ZNF287: variants seen among roughly 807,000 people sequenced by gnomAD.
ZNF287 encodes zinc finger protein with KRAB and SCAN domains 13.
In ZNF287, 31 loss-of-function variants were observed where a neutral mutation model predicts 73.7. The observed-to-expected ratio is 0.42, with a 90% CI of 0.32 to 0.57. The LOEUF (loss-of-function observed/expected upper bound fraction) is 0.57. Ranked by LOEUF, ZNF287 falls within the 20% of genes least tolerant of loss-of-function variation. The probability of loss-of-function intolerance (pLI) is 0.13; values close to 1 mark genes in which losing one functional copy is unlikely to be tolerated. For missense variants in ZNF287, 641 were observed against 909.3 expected (o/e 0.70, Z 3.79); for synonymous variants, 301 against 307.2 (o/e 0.98, Z 0.21).
rs745336057 is a variant in ZNF287, at chr17:16,552,225, C to G, written c.1917G>C (p.Gln639His). ...AGGGTTTTTCTCCATTATGAATCCT[C>G]TGATGTTGAGTAAGGTGCACACTCT... is the stretch of plus-strand genomic sequence containing the variant. ...FSQSVHLTQHQRIHNGEKPFK... is the reference protein window; with the variant it reads ...FSQSVHLTQHHRIHNGEKPFK... The change falls in exon 6 of 6, where the codon CAG (glutamine) becomes CAC (histidine). Residue 639 changes from glutamine (Q) to histidine (H), a missense_variant. By Grantham distance (24) the Gln-to-His change is conservative. This residue lies in a region of ZNF287 where 284 missense variants were observed against 466.8 expected (regional missense o/e 0.61). Transcript: ENST00000395825. This position sits in a 1 kb window ranked among gnomAD's most constrained non-coding sequence, Gnocchi z 6.5. The G allele has an allele frequency of 1.2e-6, 2 of 1,614,008 alleles. No homozygotes were observed. Among genetic ancestry groups the G allele is most frequent in the Admixed American group, 3.3e-5 (2 of 60,010 alleles).
rs1403864264 is a variant in ZNF287, at chr17:16,552,395, G to T, written c.1747C>A (p.Gln583Lys). ...FAHSSTLIQH[Q>K]TTHTGEKSYI... Reference sequence around the variant, plus strand: ...GATTTCTCTCCAGTGTGAGTGGTTTGATGTTGAATAAGGGTTGAGGAATGA... The same window carrying T: ...GATTTCTCTCCAGTGTGAGTGGTTTTATGTTGAATAAGGGTTGAGGAATGA... Residue 583 changes from glutamine to lysine, a missense_variant, in exon 6 of 6, where the codon CAA becomes AAA. Transcript: ENST00000395825. The surrounding 1 kb of genome is among the most constrained non-coding windows in gnomAD (Gnocchi z 6.5). The T allele has an allele frequency of 3.1e-6, 5 of 1,613,908 alleles. No individual in the cohort carries two copies. Among genetic ancestry groups the T allele is most frequent in the Non-Finnish European group, 4.2e-6 (5 of 1,179,968 alleles).
Position 16,550,412 on chromosome 17 carries a change from A to ATC in ZNF287, c.*1442_*1443dup, listed in dbSNP as rs1303028107. ...AATTACATTTCATGTTATAGCAATT[A>ATC]TCTATGTATGTTTTCCTCACTCCAC... On this transcript the variant is annotated 3_prime_UTR_variant, in exon 6 of 6. Transcript: ENST00000395825. 6.6e-6 allele frequency among the ~76,000 whole-genome samples: 1 copy of ATC among 152,188 alleles called. No individual in the cohort carries two copies. The highest frequency in any genetic ancestry group is 1.5e-5 in the Non-Finnish European group (1 of 68,016).
intron 3 of ZNF287, among the ~76,000 whole-genome samples, chr17:16,565,991 A>T (rs1907720285): frequency 6.6e-6 from 1 of 152,174 alleles, no homozygotes; most frequent in Admixed American, 6.5e-5. Flanking sequence ...TGTCTCAAAA[A>T]ATATATATAA....
intron 3 of ZNF287, 62 bp from the exon 4 acceptor site, chr17:16,563,887 C>T (rs1907593222): frequency 2.5e-6 from 4 of 1,575,802 alleles, no homozygotes; most frequent in Non-Finnish European, 2.6e-6. Context: ...ACACTGATAA[C>T]ACTGGGTATA....
In ZNF287 at chr17:16,548,133, G is replaced by T. The variant is rs369773968; in HGVS notation, c.*3723C>A. Among the ~76,000 whole-genome samples, 1 of 152,154 alleles carries T rather than the reference G, an allele frequency of 6.6e-6. No individual in the cohort carries two copies. The highest frequency in any genetic ancestry group is 1.5e-5 in the Non-Finnish European group (1 of 68,026). On this transcript the variant is annotated 3_prime_UTR_variant, in exon 6 of 6. Coordinates refer to ENST00000395825, the MANE Select transcript of ZNF287 (RefSeq NM_020653.4). ...TGATGAGACAATGGATTCAGGCAAC[G>T]ATCACCGTTGGTTACTTTTTACCAG... is the stretch of plus-strand genomic sequence containing the variant.
At chr17:16,563,944 T>C (rs1035791738) in intron 3 of ZNF287, 119 bp from the exon 4 acceptor site, 2 of 1,170,074 alleles carry the variant, frequency 1.7e-6, no homozygotes, top group South Asian at 3.3e-5. Flanking sequence ...AGTAGGATCC[T>C]AGAAGTTGTC....
intron 2 of ZNF287, among the ~76,000 whole-genome samples, chr17:16,567,012 A>AGG (rs1907785884): frequency 6.6e-6 from 1 of 152,178 alleles, no homozygotes; most frequent in Non-Finnish European, 1.5e-5. Flanking sequence ...AAACCTCTGA[A>AGG]GGTACTTTCT....
At chr17:16,560,310 G>GTATATA (rs71152817) in intron 5 of ZNF287, among the ~76,000 whole-genome samples, 55 of 112,880 alleles carry the variant, frequency 4.9e-4, no homozygotes, top group African/African-American at 9.1e-4. Flanking sequence ...CAACAGTGGT[G>GTATATA]TATATATATA....
In ZNF287 at chr17:16,548,936, TTTG is replaced by T. The variant is rs200123864; in HGVS notation, c.*2917_*2919del. Among the ~76,000 whole-genome samples the T allele has an allele frequency of 0.014, 2,129 of 152,220 alleles. 25 individuals are homozygous for T. Among genetic ancestry groups the T allele is most frequent in the African/African-American group, 0.018 (766 of 41,550 alleles). On this transcript the variant is annotated 3_prime_UTR_variant, in exon 6 of 6. Transcript: ENST00000395825. ...GTCTTCAGATATTAGGGAATTACTA[TTTG>T]TTTTTTTTTTAAAGGTATGTAAATG...
At chr17:16,561,507 C>G (rs1295522665) in intron 5 of ZNF287, among the ~76,000 whole-genome samples, 6 of 152,186 alleles carry the variant, frequency 3.9e-5, no homozygotes, top group Admixed American at 3.9e-4. Context: ...CCTGTACACA[C>G]CACCTTAACC....
At chr17:16,568,540 C>T (rs1005998218) in intron 1 of ZNF287, among the ~76,000 whole-genome samples, 4 of 152,152 alleles carry the variant, frequency 2.6e-5, no homozygotes, top group Non-Finnish European at 5.9e-5. Flanking sequence ...GGGATATATT[C>T]GAAACCAGGA....
At chr17:16,564,014 C>T (rs577018302) in intron 3 of ZNF287, among the ~76,000 whole-genome samples, 189 bp from the exon 4 acceptor site, 18 of 152,222 alleles carry the variant, frequency 1.2e-4, no homozygotes, top group South Asian at 2.1e-4. Flanking sequence ...TGACCCTAAA[C>T]GGAAGTTTGA....
At chr17:16,556,840 C>T (rs947466477) in intron 5 of ZNF287, among the ~76,000 whole-genome samples, 4 of 151,714 alleles carry the variant, frequency 2.6e-5, no homozygotes, top group Non-Finnish European at 5.9e-5. Flanking sequence ...TAAATTGCTA[C>T]TATAAAAGCA....
rs1375039857 is a variant in ZNF287, at chr17:16,552,011, T to C, written c.2131A>G (p.Lys711Glu). Residue 711 changes from lysine (K) to glutamate (E), a missense_variant, in exon 6 of 6, where the codon AAG (lysine) becomes GAG (glutamate). Lys to Glu is a moderately conservative substitution (Grantham distance 56). Coordinates refer to ENST00000395825, the MANE Select transcript of ZNF287 (RefSeq NM_020653.4). This position sits in a 1 kb window ranked among gnomAD's most constrained non-coding sequence, Gnocchi z 6.5. ...AGGCATGTTCTCTGGCTAAAATCCT[T>C]ATCACATTCATTACATTTATAGGGT... Reference protein sequence around the residue: ...ERPYKCNECDKDFSQRTCLIQ... With the variant: ...ERPYKCNECDEDFSQRTCLIQ... 6.2e-7 allele frequency: 1 copy of C among 1,614,150 alleles called. No homozygotes were observed. The highest frequency in any genetic ancestry group is 1.1e-5 in the South Asian group (1 of 91,082).
chr17:16,565,975 C>T (rs1370382983), intron 3 of ZNF287, among the ~76,000 whole-genome samples: 3 of 152,046 alleles, frequency 2.0e-5, no homozygotes, highest in Non-Finnish European at 2.9e-5. Context: ...CAACAGAGTG[C>T]GACTCTGTCT....
intron 4 of ZNF287, 148 bp downstream of exon 4, chr17:16,563,551 G>T: frequency 3.3e-6 from 3 of 922,110 alleles, no homozygotes; most frequent in East Asian, 2.6e-5. Context: ...CCTTTCATTT[G>T]GAAAACGGGA....
rs769142533 is a variant in ZNF287 at position 16,567,424 on chromosome 17, C to G, written c.308G>C (p.Gly103Ala). The G allele has an allele frequency of 1.1e-5, 17 of 1,614,222 alleles. No homozygotes were observed. The highest frequency in any genetic ancestry group is 1.3e-5 in the Non-Finnish European group (15 of 1,180,036). ...VLEQFLTILP[G>A]EVRTWVKSQY... ...GGACTTTACCCAAGTCCTAACCTCA[C>G]CAGGCAGGATGGTCAGGAATTGCTC... is the stretch of plus-strand genomic sequence containing the variant. The change falls in exon 2 of 6, where the codon GGT becomes GCT. Residue 103 changes from glycine to alanine, a missense_variant. By Grantham distance (60) the Gly-to-Ala change is moderately conservative. Transcript: ENST00000395825.
chr17:16,547,333 A>G lies in ZNF287; in HGVS notation c.*4523T>C, dbSNP rs1964955637. ...AGGTATACATCTAGTTGCTTTCTTA[A>G]TTGCCCTCTACTTAACCCACTTGGC... On this transcript the variant is annotated 3_prime_UTR_variant, in exon 6 of 6. Transcript: ENST00000395825. Among the ~76,000 whole-genome samples the G allele has an allele frequency of 6.6e-6, 1 of 152,174 alleles. No homozygotes were observed. Among genetic ancestry groups the G allele is most frequent in the South Asian group, 2.1e-4 (1 of 4,828 alleles).
chr17:16,552,071 G>A lies in ZNF287; in HGVS notation c.2071C>T (p.Leu691Phe). The change falls in exon 6 of 6, where the codon CTT becomes TTT. Residue 691 changes from leucine to phenylalanine, a missense_variant. Physicochemically the swap from Leu to Phe is conservative, Grantham distance 22. Coordinates refer to ENST00000395825, the MANE Select transcript of ZNF287 (RefSeq NM_020653.4). The surrounding 1 kb of genome is among the most constrained non-coding windows in gnomAD (Gnocchi z 6.5). ...GTATGAGTTCTCTGATGTTGATTAA[G>A]TGATGAGGAATAAATGAAAGCTTTC... ...CGKAFIYSSS[L>F]NQHQRTHTGE... 6.2e-7 allele frequency: 1 copy of A among 1,614,072 alleles called. No homozygotes were observed. Among genetic ancestry groups the A allele is most frequent in the Non-Finnish European group, 8.5e-7 (1 of 1,179,976 alleles).
Sources: allele counts gnomAD v4.1 joint callset (sites outside exome capture counted in the v4.1 genomes callset), GRCh38; gene constraint gnomAD v4.1.1; regional missense constraint gnomAD v4.1.1; non-coding constraint Gnocchi (gnomAD v3.1); transcripts MANE v1.5; gene names NCBI Gene and HGNC (gene_info 2026-07-23, HGNC 2026-07-21).